The following IGF2BP2 variants were observed in gnomAD, a reference collection of about 807,000 sequenced individuals.
The protein encoded by IGF2BP2 is insulin like growth factor 2 mRNA binding protein 2.
A neutral mutation model predicts 75.8 loss-of-function variants in IGF2BP2; 17 were observed. The ratio of observed to expected loss-of-function variants is 0.22; its 90% CI spans 0.15 to 0.34. The LOEUF is 0.34. IGF2BP2 is among the 10% of genes least tolerant of loss of function. The pLI is 1.00. For synonymous variants in IGF2BP2, 288 were observed against 295.6 expected, an observed-to-expected ratio of 0.97 and a Z score of 0.26; for missense variants, 516 against 772.4, an observed-to-expected ratio of 0.67 and a Z score of 3.93.
chr3:185,712,967 A>G (rs951209075), intron 2 of IGF2BP2, among the ~76,000 whole-genome samples: 6 of 152,192 alleles, frequency 3.9e-5, no homozygotes, highest in African/African-American at 1.4e-4. Context: ...CTGCCAGGAT[A>G]CTCTTGTACA....
At chr3:185,684,117 G>A (rs1325042916) in intron 7 of IGF2BP2, among the ~76,000 whole-genome samples, 1 of 152,166 alleles carries the variant, frequency 6.6e-6, no homozygotes, top group East Asian at 1.9e-4. Context: ...TCAGAGGATG[G>A]GCATTTTTGT....
chr3:185,657,774 G>A (rs192146954), intron 11 of IGF2BP2, among the ~76,000 whole-genome samples: 1 of 152,318 alleles, frequency 6.6e-6, no homozygotes, highest in Non-Finnish European at 1.5e-5. Context: ...CCTGAAGACG[G>A]CCCCAAGGCA....
At chr3:185,760,072 T>C (rs1732151730) in intron 2 of IGF2BP2, among the ~76,000 whole-genome samples, 1 of 152,188 alleles carries the variant, frequency 6.6e-6, no homozygotes, top group Non-Finnish European at 1.5e-5. Context: ...ACATTAACAA[T>C]GAAAAGCCAT....
At position 185,649,472 on chromosome 3, in the gene IGF2BP2, C is replaced by T. The variant is rs749846827; in HGVS notation, c.1524G>A (p.Val508=). 9 of 1,614,076 alleles carry T rather than the reference C, an allele frequency of 5.6e-6. No individual in the cohort carries two copies. The highest frequency in any genetic ancestry group is 6.8e-6 in the Non-Finnish European group (8 of 1,180,054). Residue 508 remains valine (V), a synonymous_variant, in exon 14 of 16, where the codon GTG becomes GTA. Coordinates refer to ENST00000382199, the MANE Select transcript of IGF2BP2 (RefSeq NM_006548.6). ...GCACTCTGATATGCGCTTCCAGCTT[C>T]ACTTCTTCTTTGGGGTTAAAGAAGT... ...EENFFNPKEE[V]KLEAHIRVPS...
chr3:185,694,658 A>G (rs1330268152), intron 4 of IGF2BP2, among the ~76,000 whole-genome samples: 2 of 152,242 alleles, frequency 1.3e-5, no homozygotes, highest in African/African-American at 4.8e-5. Context: ...CCTAGGACCT[A>G]TAAACTGCCC....
chr3:185,725,460 A>C (rs1280679279), intron 2 of IGF2BP2, among the ~76,000 whole-genome samples: 5 of 152,166 alleles, frequency 3.3e-5, no homozygotes, highest in Non-Finnish European at 7.3e-5. Flanking sequence ...AAGGTCACAA[A>C]TTAGATGTGG....
At chr3:185,753,266 G>A (rs568322719) in intron 2 of IGF2BP2, among the ~76,000 whole-genome samples, 5 of 152,198 alleles carry the variant, frequency 3.3e-5, no homozygotes, top group South Asian at 2.1e-4. Context: ...CTGTACTTGC[G>A]GAACGGGGTG....
chr3:185,731,727 C>A (rs1728208371), intron 2 of IGF2BP2, among the ~76,000 whole-genome samples: 1 of 151,968 alleles, frequency 6.6e-6, no homozygotes. Flanking sequence ...GTAATCCCAG[C>A]ACTTTGGGAG....
chr3:185,752,760 C>G (rs1190342703), intron 2 of IGF2BP2, among the ~76,000 whole-genome samples: 1 of 152,078 alleles, frequency 6.6e-6, no homozygotes, highest in East Asian at 1.9e-4. Context: ...CCACACCCAG[C>G]TAATTTTTGT....
At chr3:185,809,592 T>G (rs763157737) in intron 2 of IGF2BP2, among the ~76,000 whole-genome samples, 5 of 151,920 alleles carry the variant, frequency 3.3e-5, no homozygotes, top group East Asian at 3.9e-4. Context: ...ATAGCATCAT[T>G]GCACCCTAGC....
chr3:185,777,137 C>G (rs535267665), intron 2 of IGF2BP2, among the ~76,000 whole-genome samples: 1 of 152,230 alleles, frequency 6.6e-6, no homozygotes, highest in African/African-American at 2.4e-5. Context: ...AGGAAGTCCT[C>G]ACTTAATGTT....
intron 3 of IGF2BP2, among the ~76,000 whole-genome samples, chr3:185,697,211 C>G (rs1205094323): frequency 1.3e-5 from 2 of 152,144 alleles, no homozygotes; most frequent in African/African-American, 2.4e-5. Context: ...AGTGCAGCCA[C>G]TCTCCTGCCT....
intron 2 of IGF2BP2, among the ~76,000 whole-genome samples, chr3:185,744,634 C>T (rs1233594837): frequency 6.6e-6 from 1 of 151,988 alleles, no homozygotes; most frequent in Non-Finnish European, 1.5e-5. Context: ...ATGGTGAAAC[C>T]CCATCTCTAC....
At chr3:185,666,989 T>C (rs1717742711) in intron 10 of IGF2BP2, among the ~76,000 whole-genome samples, 1 of 151,554 alleles carries the variant, frequency 6.6e-6, no homozygotes, top group South Asian at 2.1e-4. Context: ...AGTTCATTCT[T>C]TGAGGAAAAA....
At chr3:185,740,027 T>C (rs1729346542) in intron 2 of IGF2BP2, among the ~76,000 whole-genome samples, 1 of 151,790 alleles carries the variant, frequency 6.6e-6, no homozygotes, top group Non-Finnish European at 1.5e-5. Flanking sequence ...GTCTAATTTT[T>C]AGTACAGACG....
intron 2 of IGF2BP2, among the ~76,000 whole-genome samples, chr3:185,784,527 C>T (rs577566924): frequency 5.1e-4 from 77 of 152,346 alleles, no homozygotes; most frequent in Non-Finnish European, 9.7e-4. Flanking sequence ...CCACACACTA[C>T]CCTCTGAGCA....
intron 2 of IGF2BP2, among the ~76,000 whole-genome samples, chr3:185,782,309 C>A (rs1039054703): frequency 2.0e-5 from 3 of 152,126 alleles, no homozygotes; most frequent in African/African-American, 7.2e-5. Flanking sequence ...ATTTAAAACT[C>A]GCTTAAAATC....
At chr3:185,793,676 G>T (rs1228208299) in intron 2 of IGF2BP2, among the ~76,000 whole-genome samples, 1 of 152,164 alleles carries the variant, frequency 6.6e-6, no homozygotes, top group Non-Finnish European at 1.5e-5. Context: ...AGGAAAACTT[G>T]AGAGGAACAG....
chr3:185,761,849 T>G (rs1171104568), intron 2 of IGF2BP2, among the ~76,000 whole-genome samples: 1 of 152,198 alleles, frequency 6.6e-6, no homozygotes, highest in Non-Finnish European at 1.5e-5. Flanking sequence ...GAAAGCACAA[T>G]TTAGCAAAAT....
Sources: gnomAD v4.1 joint callset for allele counts (sites outside exome capture counted in the v4.1 genomes callset) on GRCh38, gnomAD v4.1.1 for gene constraint, MANE v1.5 for transcripts, NCBI Gene and HGNC (gene_info 2026-07-23, HGNC 2026-07-21) for gene names.